PECR: variants seen among roughly 807,000 people sequenced by gnomAD.
PECR encodes the protein 2,4-dienoyl-CoA reductase-related protein.
Under a neutral mutation model 35.3 loss-of-function variants are expected in PECR, and 30 were observed. That is an observed-to-expected ratio of 0.85 (90% CI 0.64 to 1.15). The LOEUF (loss-of-function observed/expected upper bound fraction) is 1.15. PECR is among the 50% of genes most tolerant of loss of function. The probability of loss-of-function intolerance (pLI) is 0.00; values close to 1 mark genes in which losing one functional copy is unlikely to be tolerated. For missense variants in PECR, 392 were observed against 370.8 expected, an observed-to-expected ratio of 1.06 and a Z score of -0.47; for synonymous variants, 148 against 138.9, an observed-to-expected ratio of 1.07 and a Z score of -0.46.
rs1219656653 is a variant in PECR, at chr2:216,074,545, G to GAAGA, written c.124+7072_124+7073insTCTT. Among the ~76,000 whole-genome samples, 63 of 121,554 alleles carry GAAGA rather than the reference G, an allele frequency of 5.2e-4. 1 individual carries two copies. Among genetic ancestry groups the GAAGA allele is most frequent in the Middle Eastern group, 8.2e-3 (2 of 244 alleles). The allele number at this position is 121,554 out of a possible 152,430, so 79.7% of individuals were successfully genotyped here. ...GGAAGGAAGGAAGGAAGGAAGAAAG[G>GAAGA]AAGGAAGGAAGGAAGAGAGAGAGAG... On this transcript the variant is annotated intron_variant, in intron 1 of 7. Transcript: ENST00000265322.
At chr2:216,029,371 A>G (rs1694645404) in intron 7 of PECR, among the ~76,000 whole-genome samples, 1 of 152,126 alleles carries the variant, frequency 6.6e-6, no homozygotes, top group Non-Finnish European at 1.5e-5. Context: ...CCAGCTACTC[A>G]GGAGGCTGAG....
At chr2:216,030,825 A>G (rs1008901866) in intron 7 of PECR, among the ~76,000 whole-genome samples, 5 of 151,128 alleles carry the variant, frequency 3.3e-5, no homozygotes, top group African/African-American at 1.2e-4. Flanking sequence ...GGCCTTCCAA[A>G]GTGCTAGGAT....
Position 216,031,691 on chromosome 2 carries a change from G to GAAAGAA in PECR, c.*440+7499_*440+7500insTTCTTT, listed in dbSNP as rs1473248845. On this transcript the variant is annotated intron_variant and NMD_transcript_variant, in intron 7 of 7. Coordinates refer to the PECR transcript ENST00000442122. ...AGAAAGAAAGAAAGAAAGAAAGAAA[G>GAAAGAA]AGAAAGAAAGAAAGAAAGAAAGGGA... Among the ~76,000 whole-genome samples the GAAAGAA allele has an allele frequency of 1.5e-3, 89 of 61,162 alleles. 1 individual carries two copies. Among genetic ancestry groups the GAAAGAA allele is most frequent in the African/African-American group, 4.6e-3 (76 of 16,618 alleles). The allele number at this position is 61,162 out of a possible 152,430, so 40.1% of individuals were successfully genotyped here.
At chr2:216,079,396 C>T (rs1695781383) in intron 1 of PECR, among the ~76,000 whole-genome samples, 1 of 148,106 alleles carries the variant, frequency 6.8e-6, no homozygotes. Context: ...GATACTGAGT[C>T]TTGCTCTGTC....
At chr2:216,070,679 A>G (rs1462671440) in intron 1 of PECR, among the ~76,000 whole-genome samples, 1 of 152,240 alleles carries the variant, frequency 6.6e-6, no homozygotes, top group Non-Finnish European at 1.5e-5. Flanking sequence ...CCCTGCTTCT[A>G]CTGAGTAAAG....
At chr2:216,059,897 T>G (rs1164639489) in intron 3 of PECR, among the ~76,000 whole-genome samples, 2 of 152,228 alleles carry the variant, frequency 1.3e-5, no homozygotes, top group Non-Finnish European at 2.9e-5. Context: ...GCCCTCTGCA[T>G]CTCCATATGT....
chr2:216,046,470 T>C (rs1337452042), intron 6 of PECR, among the ~76,000 whole-genome samples: 1 of 151,582 alleles, frequency 6.6e-6, no homozygotes, highest in East Asian at 1.9e-4. Flanking sequence ...GCCACCATGC[T>C]TGGCTAATTT....
chr2:216,080,893 G>A (rs1418182871), intron 1 of PECR, among the ~76,000 whole-genome samples: 1 of 152,176 alleles, frequency 6.6e-6, no homozygotes, highest in Non-Finnish European at 1.5e-5. Flanking sequence ...GGCTCAGCCT[G>A]TAATCCCAAA....
rs181399186 is a variant in PECR, at chr2:216,056,190, T to C, written c.506+2705A>G. On this transcript the variant is annotated intron_variant, in intron 4 of 7. Transcript: ENST00000265322. ...ATGTATCTTGCACATGTACCTGTAC[T>C]GGTCAAGTAAACAAGCGACAGCCAA... Among the ~76,000 whole-genome samples, 199 of 152,242 alleles carry C rather than the reference T, an allele frequency of 1.3e-3. 1 individual carries two copies. The highest frequency in any genetic ancestry group is 2.5e-3 in the Non-Finnish European group (169 of 68,026).
chr2:216,040,021 A>G (rs1694859722), intron 7 of PECR, among the ~76,000 whole-genome samples: 2 of 152,240 alleles, frequency 1.3e-5, no homozygotes, highest in Admixed American at 1.3e-4. Context: ...ACACAGAAGT[A>G]TCAGCCTTAC....
chr2:216,043,147 G>T (rs1443185845), intron 7 of PECR, among the ~76,000 whole-genome samples: 1 of 141,204 alleles, frequency 7.1e-6, no homozygotes, highest in East Asian at 2.2e-4. Context: ...TCACTCTGTC[G>T]CCCAGGCTAG....
At chr2:216,061,960 G>A (rs1255966369) in intron 3 of PECR, among the ~76,000 whole-genome samples, 3 of 148,414 alleles carry the variant, frequency 2.0e-5, no homozygotes, top group African/African-American at 5.1e-5. Flanking sequence ...TAAAACGAGT[G>A]TGTGTGAGTA....
chr2:216,052,117 T>TG (rs1695127868), intron 4 of PECR, among the ~76,000 whole-genome samples: 1 of 152,168 alleles, frequency 6.6e-6, no homozygotes, highest in South Asian at 2.1e-4. Context: ...CCCTGGGAGA[T>TG]GGAGTTTGCA....
Position 216,057,329 on chromosome 2 carries a change from A to G in PECR, c.506+1566T>C, listed in dbSNP as rs1695249187. 4.6e-5 allele frequency among the ~76,000 whole-genome samples: 7 copies of G among 152,270 alleles called. No individual in the cohort carries two copies. The South Asian group carries it at 1.4e-3, about 32-fold the overall frequency. On this transcript the variant is annotated intron_variant, in intron 4 of 7. Coordinates refer to ENST00000265322, the MANE Select transcript of PECR (RefSeq NM_018441.6). Reference sequence around the variant, plus strand: ...TGGTTACACAAATCATTCCTTACTTATGGTTTATAAAAGTGGCATATTAGC... The same window carrying G: ...TGGTTACACAAATCATTCCTTACTTGTGGTTTATAAAAGTGGCATATTAGC...
At chr2:216,079,556 C>T (rs965758960) in intron 1 of PECR, among the ~76,000 whole-genome samples, 10 of 151,498 alleles carry the variant, frequency 6.6e-5, no homozygotes, top group South Asian at 2.1e-4. Context: ...TTAGTAGAGA[C>T]GAGGTTTCAC....
chr2:216,043,957 G>T lies in PECR; in HGVS notation c.773C>A (p.Ser258Ter). The T allele has an allele frequency of 6.2e-7, 1 of 1,612,732 alleles. No individual in the cohort carries two copies. Among genetic ancestry groups the T allele is most frequent in the South Asian group, 1.1e-5 (1 of 91,014 alleles). ...ACTCCGGCCCCCATCCACATCCACCGACTGTCCAGTGATGAAGGAAGCTGC... is the reference window on the plus strand; with the variant it reads ...ACTCCGGCCCCCATCCACATCCACCTACTGTCCAGTGATGAAGGAAGCTGC... ...SPAASFITGQ[S>*]VDVDGGRSLY... The change falls in exon 7 of 8, where the codon TCG becomes TAG. Residue 258 changes from serine (S) to a stop codon, truncating the protein, a stop_gained. Coordinates refer to ENST00000265322, the MANE Select transcript of PECR (RefSeq NM_018441.6). LOFTEE classifies it high-confidence loss of function.
chr2:216,039,826 G>A (rs1189006439), intron 7 of PECR, among the ~76,000 whole-genome samples: 1 of 152,160 alleles, frequency 6.6e-6, no homozygotes, highest in Non-Finnish European at 1.5e-5. Context: ...AGGTGCCAGG[G>A]AAGCTTGGCA....
chr2:216,046,487 T>G (rs1171932090), intron 6 of PECR, among the ~76,000 whole-genome samples: 1 of 151,658 alleles, frequency 6.6e-6, no homozygotes, highest in Non-Finnish European at 1.5e-5. Flanking sequence ...ATTTTTGTAT[T>G]TTTTAGTATA....
intron 3 of PECR, among the ~76,000 whole-genome samples, chr2:216,061,311 CAAAAAAAAAAAAAAA>C (rs56791924): frequency 2.2e-5 from 1 of 44,932 alleles, no homozygotes; most frequent in Non-Finnish European, 3.7e-5. Flanking sequence ...AACCCTGTCT[CAAAAAAAAAAAAAAA>C]AAAAAAAAAA....
Sources: allele counts gnomAD v4.1 joint callset (sites outside exome capture counted in the v4.1 genomes callset), GRCh38; gene constraint gnomAD v4.1.1; transcripts MANE v1.5; gene names NCBI Gene and HGNC (gene_info 2026-07-23, HGNC 2026-07-21).